Variants in NEBL observed in about 807,000 individuals in gnomAD.
NEBL encodes the protein nebulette.
In NEBL, 122 loss-of-function variants were observed where a neutral mutation model predicts 140.2. The ratio of observed to expected loss-of-function variants is 0.87; its 90% confidence interval spans 0.75 to 1.01. NEBL has a LOEUF of 1.01. Among genes scored for constraint, NEBL ranks in the 50% least tolerant of loss-of-function variants. The pLI is 0.00. For missense variants in NEBL, 1,365 were observed against 1,231.3 expected, an observed-to-expected ratio of 1.11 and a Z score of -1.62; for synonymous variants, 436 against 398.9, an observed-to-expected ratio of 1.09 and a Z score of -1.11.
intron 4 of NEBL, among the ~76,000 whole-genome samples, chr10:20,908,408 A>G (rs1459752774): frequency 6.6e-6 from 1 of 152,204 alleles, no homozygotes; most frequent in Non-Finnish European, 1.5e-5. Flanking sequence ...TCCTTGTGGT[A>G]TGGAGACAAT....
rs924170899 is a variant in NEBL, at chr10:20,785,327, C to T, written c.*420G>A. On this transcript the variant is annotated 3_prime_UTR_variant, in exon 28 of 28. Transcript: ENST00000377122. ...ATTGCCTCATGACTCAAAAGCAAAA[C>T]GGGTTTGAAATTATTGGCTGCATTA... The T allele has an allele frequency of 3.4e-5, 7 of 203,068 alleles. No homozygotes were observed. The highest frequency in any genetic ancestry group is 2.5e-4 in the East Asian group (2 of 7,944). 12.6% of individuals were successfully genotyped at this position (203,068 alleles called of 1,614,324 possible).
intron 3 of NEBL, among the ~76,000 whole-genome samples, chr10:21,010,928 C>T (rs1838314763): frequency 6.6e-6 from 1 of 152,190 alleles, no homozygotes; most frequent in African/African-American, 2.4e-5. Flanking sequence ...TGTGACCTCC[C>T]AATTATGACC....
chr10:20,804,805 G>A (rs117266296), intron 26 of NEBL, among the ~76,000 whole-genome samples: 5 of 152,278 alleles, frequency 3.3e-5, no homozygotes, highest in Non-Finnish European at 5.9e-5. Context: ...GGTCTTGTAC[G>A]CAATGATGAA....
At chr10:21,049,605 G>C (rs1409944472) in intron 2 of NEBL, among the ~76,000 whole-genome samples, 1 of 151,636 alleles carries the variant, frequency 6.6e-6, no homozygotes, top group East Asian at 1.9e-4. Context: ...CCTGTCAAAT[G>C]CCACAATCTT....
At chr10:21,051,211 C>A in intron 2 of NEBL, among the ~76,000 whole-genome samples, 1 of 152,210 alleles carries the variant, frequency 6.6e-6, no homozygotes, top group Non-Finnish European at 1.5e-5. Context: ...CAGAGCTTTG[C>A]GAGGATTTAT....
chr10:20,984,841 C>A (rs1837191538), intron 3 of NEBL, among the ~76,000 whole-genome samples: 1 of 152,174 alleles, frequency 6.6e-6, no homozygotes, highest in South Asian at 2.1e-4. Flanking sequence ...TACAGCCACT[C>A]CCCACAGCTC....
rs915242941 is a variant in NEBL, at chr10:20,780,270, A to C, written c.*5477T>G. 3 of 152,220 alleles carry C rather than the reference A, an allele frequency of 2.0e-5. No individual in the cohort carries two copies. Among genetic ancestry groups the C allele is most frequent in the Non-Finnish European group, 4.4e-5 (3 of 68,044 alleles). 9.4% of individuals were successfully genotyped at this position (152,220 alleles called of 1,614,324 possible). On this transcript the variant is annotated 3_prime_UTR_variant, in exon 28 of 28. Coordinates refer to ENST00000377122, the MANE Select transcript of NEBL (RefSeq NM_006393.3). ...GTGCACTTTCTATTCTATGCTCCAA[A>C]CCATTTCTTTCATCTTATGAATAGA...
rs373837032 is a variant in NEBL at position 21,195,651 on chromosome 10, C to A, written n.349-23174G>T. Among the ~76,000 whole-genome samples the A allele has an allele frequency of 3.3e-4, 51 of 152,270 alleles. 2 individuals carry two copies. The South Asian group carries it at 0.01, about 31-fold the overall frequency. On this transcript the variant is annotated intron_variant and non_coding_transcript_variant, in intron 3 of 8. Coordinates refer to the NEBL transcript ENST00000675702. The stretch of plus-strand genomic sequence containing the variant: ...CTTCACTGTTTTTATACCATGTAAC[C>A]ACATACCTCCCTCCCTCTCTCTCCT...
intron 3 of NEBL, among the ~76,000 whole-genome samples, chr10:20,985,556 C>G (rs1431813603): frequency 1.3e-5 from 2 of 152,130 alleles, no homozygotes; most frequent in Admixed American, 6.5e-5. Context: ...TCAATCTAAG[C>G]TGCTAATTAA....
In NEBL at chr10:20,828,652, T is replaced by C; in HGVS notation, c.1672-18A>G. 1 of 1,478,428 alleles carries C rather than the reference T, an allele frequency of 6.8e-7. No individual in the cohort carries two copies. 91.6% of individuals were successfully genotyped at this position (1,478,428 alleles called of 1,614,324 possible). A position where few individuals can be genotyped will look rare whatever the true frequency, so the allele number is the denominator to read the frequency against. On this transcript the variant is annotated intron_variant, in intron 16 of 27. Coordinates refer to ENST00000377122, the MANE Select transcript of NEBL (RefSeq NM_006393.3). ...TACTTTCTCTAAAAACATAAACAGT[T>C]AATATAAATCTGAAACTATGTGTGT...
intron 4 of NEBL, among the ~76,000 whole-genome samples, chr10:20,960,174 G>C (rs1313938104): frequency 6.6e-6 from 1 of 152,036 alleles, no homozygotes; most frequent in Admixed American, 6.6e-5. Context: ...AAAATTCAGT[G>C]ATTGTTGAAG....
intron 3 of NEBL, among the ~76,000 whole-genome samples, chr10:21,244,520 C>G (rs901478929): frequency 2.0e-5 from 3 of 151,526 alleles, no homozygotes; most frequent in Non-Finnish European, 4.4e-5. Flanking sequence ...GGCATGGTGG[C>G]CGGCGCCTGT....
In NEBL at chr10:20,880,784, G is replaced by A. The variant is rs377230358; in HGVS notation, c.480+10C>T. On this transcript the variant is annotated intron_variant, in intron 5 of 27. Coordinates refer to ENST00000377122, the MANE Select transcript of NEBL (RefSeq NM_006393.3). ...TTCGCTAGAAAATCATGAGAAATGC[G>A]CTTCCTTACATTACTCTGGTGTTTA... The A allele has an allele frequency of 7.0e-5, 110 of 1,580,758 alleles. No homozygotes were observed. Among genetic ancestry groups the A allele is most frequent in the Admixed American group, 1.5e-4 (9 of 59,946 alleles).
chr10:21,143,533 C>T (rs1839748684), intron 2 of NEBL, among the ~76,000 whole-genome samples: 1 of 150,190 alleles, frequency 6.7e-6, no homozygotes, highest in African/African-American at 2.5e-5. Context: ...TAAGTACAAC[C>T]AGACTCATTT....
intron 2 of NEBL, among the ~76,000 whole-genome samples, chr10:21,075,833 C>A (rs930022447): frequency 1.3e-5 from 2 of 152,066 alleles, no homozygotes; most frequent in African/African-American, 4.8e-5. Context: ...AACTCAACAA[C>A]AAAATAACGA....
chr10:20,940,595 C>A (rs1229155825), intron 4 of NEBL, among the ~76,000 whole-genome samples: 3 of 141,692 alleles, frequency 2.1e-5, no homozygotes, highest in African/African-American at 5.3e-5. Context: ...CAGAGTAGAA[C>A]TGAAGGAAAT....
intron 4 of NEBL, among the ~76,000 whole-genome samples, chr10:20,936,079 T>C (rs1292280749): frequency 6.6e-6 from 1 of 152,224 alleles, no homozygotes; most frequent in Non-Finnish European, 1.5e-5. Context: ...CAAAATGACA[T>C]GACTAATTAA....
intron 2 of NEBL, among the ~76,000 whole-genome samples, chr10:21,090,074 G>A (rs1836839534): frequency 6.6e-6 from 1 of 152,068 alleles, no homozygotes; most frequent in South Asian, 2.1e-4. Flanking sequence ...GACCAAACAT[G>A]GCCAAAGGCA....
intron 26 of NEBL, among the ~76,000 whole-genome samples, chr10:20,793,784 G>A (rs1198621781): frequency 2.0e-5 from 3 of 152,044 alleles, no homozygotes; most frequent in Admixed American, 2.0e-4. Context: ...TCAAACTCCT[G>A]GGCTCAAGCC....
Sources: gnomAD v4.1 joint callset for allele counts (sites outside exome capture counted in the v4.1 genomes callset) on GRCh38, gnomAD v4.1.1 for gene constraint, MANE v1.5 for transcripts, NCBI Gene and HGNC (gene_info 2026-07-23, HGNC 2026-07-21) for gene names.